The following TCF7L1 variants were observed in gnomAD, a reference collection of about 807,000 sequenced individuals.
TCF7L1 encodes transcription factor 7 like 1.
A neutral mutation model predicts 63.7 loss-of-function variants in TCF7L1; 18 were observed. That is an observed-to-expected ratio of 0.28 (90% CI 0.20 to 0.42). The LOEUF (loss-of-function observed/expected upper bound fraction) is 0.42, where lower values mean the gene tolerates loss of function less well. Among genes scored for constraint, TCF7L1 ranks in the 10% least tolerant of loss-of-function variants. The pLI, the probability that TCF7L1 is intolerant of heterozygous loss-of-function variation, is 1.00. For synonymous variants in TCF7L1, 355 were observed against 340.9 expected (o/e 1.04, Z -0.46); for missense variants, 654 against 779.3 (o/e 0.84, Z 1.91).
chr2:85,162,710 TGTG>T (rs1489283615), intron 3 of TCF7L1, among the ~76,000 whole-genome samples: 3 of 152,174 alleles, frequency 2.0e-5, no homozygotes, highest in African/African-American at 7.2e-5. Context: ...GGACATGAGT[TGTG>T]GTACGCCCCG....
At position 85,283,768 on chromosome 2, in the gene TCF7L1, G is replaced by A. The variant is rs749567804; in HGVS notation, c.525+190G>A. Among the ~76,000 whole-genome samples the A allele has an allele frequency of 1.1e-3, 163 of 152,230 alleles. 1 individual carries two copies. Among genetic ancestry groups the A allele is most frequent in the Non-Finnish European group, 4.6e-4 (31 of 68,016 alleles). ...GTGACCTCAACACACACACCACACC[G>A]CCTCAGATGTTTTGTAATTGGAATA... On this transcript the variant is annotated intron_variant, in intron 4 of 11. Coordinates refer to ENST00000282111, the MANE Select transcript of TCF7L1 (RefSeq NM_031283.3).
chr2:85,306,269 T>G lies in TCF7L1; in HGVS notation c.1053T>G (p.Asn351Lys). The G allele has an allele frequency of 1.9e-6, 3 of 1,614,174 alleles. No homozygotes were observed. Among genetic ancestry groups the G allele is most frequent in the Non-Finnish European group, 2.5e-6 (3 of 1,180,038 alleles). The change falls in exon 9 of 12, where the codon AAT (asparagine) becomes AAG (lysine). Residue 351 changes from asparagine (N) to lysine (K), a missense_variant. Coordinates refer to ENST00000282111, the MANE Select transcript of TCF7L1 (RefSeq NM_031283.3). The surrounding 1 kb of genome is among the most constrained non-coding windows in gnomAD (Gnocchi z 4.3). The part of the protein sequence containing the change: ...EKKPHVKKPL[N>K]AFMLYMKEMR... ...AGCCCCACGTGAAGAAGCCTCTGAA[T>G]GCCTTCATGTTGTATATGAAGGAGA...
rs1677549516 is a variant in TCF7L1, at chr2:85,134,683, C to T, written c.441+233C>T. Among the ~76,000 whole-genome samples the T allele has an allele frequency of 6.6e-6, 1 of 152,324 alleles. No individual in the cohort carries two copies. Among genetic ancestry groups the T allele is most frequent in the South Asian group, 2.1e-4 (1 of 4,826 alleles). ...CTCTTGCGGGTTGAGGTTTTGGAGT[C>T]CACCTCTGGGATCTTCCTTGGCCTC... On this transcript the variant is annotated intron_variant, in intron 3 of 11. Coordinates refer to ENST00000282111, the MANE Select transcript of TCF7L1 (RefSeq NM_031283.3). This position sits in a 1 kb window ranked among gnomAD's most constrained non-coding sequence, Gnocchi z 5.0.
intron 3 of TCF7L1, among the ~76,000 whole-genome samples, chr2:85,206,926 A>T (rs759289719): frequency 2.0e-5 from 3 of 152,178 alleles, no homozygotes; most frequent in Non-Finnish European, 4.4e-5. Context: ...CTGAATGTGA[A>T]TGTTGACACC....
At chr2:85,169,537 T>C (rs1465432285) in intron 3 of TCF7L1, among the ~76,000 whole-genome samples, 1 of 152,124 alleles carries the variant, frequency 6.6e-6, no homozygotes, top group African/African-American at 2.4e-5. Context: ...ATTGCCTTTT[T>C]ATAGGATGTA....
At chr2:85,223,208 A>T (rs1679886066) in intron 3 of TCF7L1, among the ~76,000 whole-genome samples, 1 of 152,180 alleles carries the variant, frequency 6.6e-6, no homozygotes, top group South Asian at 2.1e-4. Flanking sequence ...CAGCCTCCTG[A>T]GTAGCTGGGA....
At chr2:85,301,562 G>A (rs150260015) in intron 4 of TCF7L1, among the ~76,000 whole-genome samples, 9 of 151,410 alleles carry the variant, frequency 5.9e-5, no homozygotes, top group East Asian at 3.9e-4. Context: ...TGTCTGTGGC[G>A]TGCCAGCGTT....
Position 85,306,347 on chromosome 2 carries a change from C to T in TCF7L1, c.1131C>T (p.Asn377=), listed in dbSNP as rs1328929741. The T allele has an allele frequency of 6.8e-6, 11 of 1,614,112 alleles. No homozygotes were observed. Among genetic ancestry groups the T allele is most frequent in the Non-Finnish European group, 9.3e-6 (11 of 1,180,054 alleles). The part of the protein sequence containing the change: ...ECTLKESAAI[N]QILGRKWHNL... ...CCCTGAAGGAAAGTGCAGCCATTAA[C>T]CAGATCCTTGGAAGAAAGGTAAGAC... The change falls in exon 9 of 12, where the codon AAC becomes AAT. Residue 377 remains asparagine (N), a synonymous_variant. Transcript: ENST00000282111. This position sits in a 1 kb window ranked among gnomAD's most constrained non-coding sequence, Gnocchi z 4.3.
At chr2:85,144,719 C>CTGTGTGTG (rs772295408) in intron 3 of TCF7L1, among the ~76,000 whole-genome samples, 1 of 140,452 alleles carries the variant, frequency 7.1e-6, no homozygotes, top group South Asian at 2.3e-4. Context: ...CTCTCTCTCT[C>CTGTGTGTG]TGTGTGTGTG....
At chr2:85,290,964 G>A (rs995544612) in intron 4 of TCF7L1, among the ~76,000 whole-genome samples, 3 of 152,220 alleles carry the variant, frequency 2.0e-5, no homozygotes, top group African/African-American at 7.2e-5. Flanking sequence ...CCCTCTTGGG[G>A]TCATTCTTCC....
chr2:85,204,297 C>CG (rs200641081), intron 3 of TCF7L1, among the ~76,000 whole-genome samples: 6 of 92,570 alleles, frequency 6.5e-5, no homozygotes, highest in South Asian at 5.3e-4. Context: ...TGCTTCCCCC[C>CG]CCCCCCCCAC....
intron 3 of TCF7L1, among the ~76,000 whole-genome samples, chr2:85,182,793 CCTGT>C (rs1398712283): frequency 6.6e-6 from 1 of 152,192 alleles, no homozygotes; most frequent in Non-Finnish European, 1.5e-5. Flanking sequence ...CCCAGATCTC[CCTGT>C]CTAAGAGCTC....
intron 3 of TCF7L1, among the ~76,000 whole-genome samples, chr2:85,147,918 A>AC (rs1680722675): frequency 6.6e-6 from 1 of 151,972 alleles, no homozygotes; most frequent in African/African-American, 2.4e-5. Flanking sequence ...ATTAAGTTGG[A>AC]CCATCATAGG....
In TCF7L1 at chr2:85,309,455, C is replaced by T; in HGVS notation, c.1760C>T (p.Ala587Val). Residue 587 changes from alanine (A) to valine (V), a missense_variant, in exon 12 of 12, where the codon GCC (alanine) becomes GTC (valine). Ala to Val is a moderately conservative substitution (Grantham distance 64). Transcript: ENST00000282111. ...CCTCTTTCCCTGGTCACCAAGTCTG[C>T]CCACTAAGCTCCCCCCGACCCCTGC... Reference protein sequence around the residue: ...AQPLSLVTKSAH With the variant: ...AQPLSLVTKSVH 1 of 1,521,916 alleles carries T rather than the reference C, an allele frequency of 6.6e-7. No homozygotes were observed. The highest frequency in any genetic ancestry group is 2.2e-5 in the Admixed American group (1 of 45,840). The allele number at this position is 1,521,916 out of a possible 1,614,324, so 94.3% of individuals were successfully genotyped here. A position where few individuals can be genotyped will look rare whatever the true frequency, so the allele number is the denominator to read the frequency against.
intron 3 of TCF7L1, among the ~76,000 whole-genome samples, chr2:85,216,368 G>A (rs1001539593): frequency 1.3e-4 from 19 of 151,984 alleles, no homozygotes; most frequent in African/African-American, 4.3e-4. Context: ...GCCCGTTTCC[G>A]CTGCCCATGA....
Position 85,306,421 on chromosome 2 carries a change from T to C in TCF7L1, c.1150-31T>C. The C allele has an allele frequency of 6.2e-7, 1 of 1,613,894 alleles. No individual in the cohort carries two copies. The highest frequency in any genetic ancestry group is 1.1e-5 in the South Asian group (1 of 91,082). ...GAGGCAGCGTCCCTGCATTGATGGC[T>C]CCGTGTGGTCTCTGACCCTCTCTCC... On this transcript the variant is annotated intron_variant, in intron 9 of 11. Transcript: ENST00000282111. The surrounding 1 kb of genome is among the most constrained non-coding windows in gnomAD (Gnocchi z 4.3).
intron 3 of TCF7L1, among the ~76,000 whole-genome samples, chr2:85,281,988 T>TC: frequency 7.4e-6 from 1 of 135,950 alleles, no homozygotes; most frequent in East Asian, 2.0e-4. Flanking sequence ...TTCAAAGGCT[T>TC]CTTTTTTTTT....
chr2:85,308,442 T>TCCCA (rs1558663493), intron 11 of TCF7L1, among the ~76,000 whole-genome samples: 3 of 71,812 alleles, frequency 4.2e-5, no homozygotes, highest in African/African-American at 1.9e-4. Context: ...TCTCCCTCCC[T>TCCCA]TTCTCTTTCC....
chr2:85,255,080 C>T lies in TCF7L1; in HGVS notation c.442-28415C>T, dbSNP rs74954513. 1.7e-4 allele frequency among the ~76,000 whole-genome samples: 26 copies of T among 152,206 alleles called. No homozygotes were observed. The East Asian group carries it at 4.8e-3, about 28-fold the overall frequency. ...CAGAGAGATCGCCCTTCTGATGATG[C>T]GCCCAGTCTGAGGCCTCACTGAGAT... is the stretch of plus-strand genomic sequence containing the variant. On this transcript the variant is annotated intron_variant, in intron 3 of 11. Coordinates refer to ENST00000282111, the MANE Select transcript of TCF7L1 (RefSeq NM_031283.3).
Sources: allele counts gnomAD v4.1 joint callset (sites outside exome capture counted in the v4.1 genomes callset), GRCh38; gene constraint gnomAD v4.1.1; non-coding constraint Gnocchi (gnomAD v3.1); transcripts MANE v1.5; gene names NCBI Gene and HGNC (gene_info 2026-07-23, HGNC 2026-07-21).